The following CDKL3 variants were observed in gnomAD, a reference collection of about 807,000 sequenced individuals.
The protein encoded by CDKL3 is cyclin dependent kinase like 3.
Under a neutral mutation model 69.3 loss-of-function variants are expected in CDKL3, and 65 were observed. That is an observed-to-expected ratio of 0.94 (90% CI 0.77 to 1.15). The LOEUF is 1.15. Among genes scored for constraint, CDKL3 ranks in the 50% most tolerant of loss-of-function variants. The probability of loss-of-function intolerance (pLI) is 0.00; values close to 1 mark genes in which losing one functional copy is unlikely to be tolerated. For missense variants in CDKL3, 652 were observed against 689.2 expected (o/e 0.95, Z 0.61); for synonymous variants, 202 against 221.6 (o/e 0.91, Z 0.79).
intron 4 of CDKL3, among the ~76,000 whole-genome samples, chr5:134,335,374 G>A (rs1399928963): frequency 6.6e-6 from 1 of 152,112 alleles, no homozygotes; most frequent in African/African-American, 2.4e-5. Context: ...TATGATGCTA[G>A]CTGGTTATTT....
intron 3 of CDKL3, 45 bp downstream of exon 3, chr5:134,359,852 T>A (rs780815512): frequency 8.1e-7 from 1 of 1,236,698 alleles, no homozygotes; most frequent in East Asian, 2.5e-5. Context: ...GGAGCACTTA[T>A]GATTCATATT....
intron 11 of CDKL3, among the ~76,000 whole-genome samples, 192 bp from the exon 12 acceptor site, chr5:134,302,879 CTAAG>C (rs1290809318): frequency 3.3e-5 from 5 of 152,008 alleles, no homozygotes; most frequent in East Asian, 3.9e-4. Flanking sequence ...AAATAGTCTA[CTAAG>C]TATTAAAATA....
intron 10 of CDKL3, 136 bp from the exon 11 acceptor site, chr5:134,304,703 G>T (rs142313699): frequency 1.8e-6 from 1 of 542,918 alleles, no homozygotes; most frequent in Non-Finnish European, 3.0e-6. Flanking sequence ...ATTTAGAATA[G>T]AACACTATTG....
At chr5:134,362,982 T>G (rs529995943) in intron 2 of CDKL3, among the ~76,000 whole-genome samples, 1 of 152,154 alleles carries the variant, frequency 6.6e-6, no homozygotes, top group African/African-American at 2.4e-5. Context: ...TTAGGGTATC[T>G]CAAAATTATC....
chr5:134,298,773 C>T, intron 12 of CDKL3, 63 bp from the exon 13 acceptor site: 1 of 1,570,754 alleles, frequency 6.4e-7, no homozygotes, highest in South Asian at 1.2e-5. Flanking sequence ...GCTACCAAAA[C>T]TCTGACTTTA....
At chr5:134,299,563 T>A in intron 12 of CDKL3, 1 of 1,254,698 alleles carries the variant, frequency 8.0e-7, no homozygotes, top group Non-Finnish European at 1.0e-6. Context: ...AATGTACATA[T>A]AACTAACAGG....
rs576458129 is a variant in CDKL3 at position 134,347,454 on chromosome 5, C to T, written c.539+2795G>A. On this transcript the variant is annotated intron_variant, in intron 4 of 12. Transcript: ENST00000265334. ...CATACAAAAACAAGTTACACGGACA[C>T]CCATAGCAGCATTACCCATAATAGC... is the stretch of plus-strand genomic sequence containing the variant. Among the ~76,000 whole-genome samples the T allele has an allele frequency of 1.2e-4, 19 of 152,046 alleles. No homozygotes were observed. The South Asian group carries it at 3.7e-3, about 30-fold the overall frequency.
At chr5:134,366,336 T>C (rs200641405) in intron 2 of CDKL3, 23 bp downstream of exon 2, 2 of 1,515,586 alleles carry the variant, frequency 1.3e-6, no homozygotes, top group South Asian at 1.3e-5. Context: ...TTGACTTAGA[T>C]GATTAAGGCA....
downstream of CDKL3, chr5:134,298,110 T>C (rs565949976): frequency 7.4e-6 from 2 of 270,956 alleles, no homozygotes; most frequent in African/African-American, 4.6e-5. Context: ...ATTTTTGCAT[T>C]TTTAGTAGAG....
intron 4 of CDKL3, among the ~76,000 whole-genome samples, chr5:134,340,734 G>T (rs143483624): frequency 1.3e-5 from 2 of 151,766 alleles, no homozygotes; most frequent in East Asian, 1.9e-4. Flanking sequence ...AAAACTACCC[G>T]CAAAGAAAAG....
chr5:134,299,707 T>C (rs879059881), intron 12 of CDKL3: 2 of 1,534,918 alleles, frequency 1.3e-6, no homozygotes, highest in East Asian at 2.4e-5. Flanking sequence ...CTACTCTACA[T>C]CTGGCAAGTT....
intron 4 of CDKL3, among the ~76,000 whole-genome samples, chr5:134,343,125 A>G (rs1248501732): frequency 2.0e-5 from 3 of 151,428 alleles, no homozygotes; most frequent in Non-Finnish European, 4.4e-5. Context: ...GGATTGTTTG[A>G]GCCTGGAAGG....
chr5:134,321,660 T>C (rs963913608), intron 5 of CDKL3, 131 bp downstream of exon 5: 6 of 574,836 alleles, frequency 1.0e-5, no homozygotes, highest in African/African-American at 5.8e-5. Flanking sequence ...AAGGAACCCA[T>C]CTGCTGCCAT....
intron 4 of CDKL3, among the ~76,000 whole-genome samples, chr5:134,343,936 C>T (rs900834851): frequency 6.6e-6 from 1 of 152,174 alleles, no homozygotes; most frequent in African/African-American, 2.4e-5. Flanking sequence ...TTGCAATTCC[C>T]GTCTTGATGA....
chr5:134,329,546 T>C (rs1027234570), intron 4 of CDKL3, among the ~76,000 whole-genome samples: 1 of 151,758 alleles, frequency 6.6e-6, no homozygotes, highest in African/African-American at 2.4e-5. Flanking sequence ...TGCAGCTCAC[T>C]GCAAGCTCCG....
chr5:134,351,934 C>T (rs1753409661), intron 3 of CDKL3, among the ~76,000 whole-genome samples: 2 of 152,080 alleles, frequency 1.3e-5, no homozygotes, highest in African/African-American at 2.4e-5. Flanking sequence ...CAGCAATTTT[C>T]AAGAATACAA....
At chr5:134,328,464 A>G (rs999378692) in intron 4 of CDKL3, among the ~76,000 whole-genome samples, 2 of 152,206 alleles carry the variant, frequency 1.3e-5, no homozygotes, top group African/African-American at 4.8e-5. Context: ...ATGAACTTGA[A>G]GACAAGACCA....
intron 3 of CDKL3, among the ~76,000 whole-genome samples, chr5:134,356,084 A>G (rs974836431): frequency 2.6e-5 from 4 of 152,196 alleles, no homozygotes; most frequent in African/African-American, 9.6e-5. Context: ...ACAACTTACC[A>G]TAATGTAGAA....
intron 8 of CDKL3, among the ~76,000 whole-genome samples, chr5:134,288,638 A>G (rs1039970941): frequency 2.0e-5 from 3 of 152,228 alleles, no homozygotes; most frequent in African/African-American, 7.2e-5. Flanking sequence ...TAACTCGCAT[A>G]ACAAAACTTA....
Sources: allele counts gnomAD v4.1 joint callset (sites outside exome capture counted in the v4.1 genomes callset), GRCh38; gene constraint gnomAD v4.1.1; transcripts MANE v1.5; gene names NCBI Gene and HGNC (gene_info 2026-07-23, HGNC 2026-07-21).